ITPR2: variants seen among roughly 807,000 people sequenced by gnomAD.
The protein encoded by ITPR2 is inositol 1,4,5-trisphosphate-gated calcium channel ITPR2.
ITPR2 carries 207 observed loss-of-function variants against 317.1 expected under a neutral mutation model. That is an observed-to-expected ratio of 0.65 (90% CI 0.58 to 0.73). The LOEUF (loss-of-function observed/expected upper bound fraction) is 0.73. ITPR2 is among the 30% of genes least tolerant of loss of function. The pLI is 0.00. For synonymous variants in ITPR2, 1,156 were observed against 1,149.1 expected, an observed-to-expected ratio of 1.01 and a Z score of -0.12; for missense variants, 2,613 against 3,284.0, an observed-to-expected ratio of 0.80 and a Z score of 4.99.
intron 35 of ITPR2, among the ~76,000 whole-genome samples, chr12:26,560,434 G>A (rs1944783790): frequency 6.6e-6 from 1 of 151,636 alleles, no homozygotes; most frequent in Non-Finnish European, 1.5e-5. Context: ...ATTTTCCATT[G>A]CCCTCCTATT....
Position 26,550,337 on chromosome 12 carries a change from C to A in ITPR2, c.4983G>T (p.Lys1661Asn), listed in dbSNP as rs773124256. Residue 1661 changes from lysine to asparagine, a missense_variant, in exon 37 of 57, where the codon AAG (lysine) becomes AAT (asparagine). This residue lies in a region of ITPR2 where 926 missense variants were observed against 1,072.8 expected (regional missense o/e 0.86). Coordinates refer to ENST00000381340, the MANE Select transcript of ITPR2 (RefSeq NM_002223.4). ...GTTTTTCTTCTTTCTCCATTAGTTT[C>A]TTTGTATGATTAATCAACCTTAAAG... ...AFMSKLINHTKKLMEKEEKLC... is the reference protein window; with the variant it reads ...AFMSKLINHTNKLMEKEEKLC... The A allele has an allele frequency of 1.4e-6, 2 of 1,430,692 alleles. No individual in the cohort carries two copies. The highest frequency in any genetic ancestry group is 3.5e-5 in the Admixed American group (2 of 56,490). The allele number at this position is 1,430,692 out of a possible 1,614,324, so 88.6% of individuals were successfully genotyped here. A position where few individuals can be genotyped will look rare whatever the true frequency, so the allele number is the denominator to read the frequency against.
chr12:26,443,456 C>G, intron 46 of ITPR2, 87 bp downstream of exon 46: 1 of 1,047,024 alleles, frequency 9.6e-7, no homozygotes, highest in South Asian at 1.5e-5. Context: ...CATCATTGCT[C>G]TAGAAAAAAA....
At chr12:26,366,991 A>C (rs1311788732) in intron 55 of ITPR2, among the ~76,000 whole-genome samples, 2 of 152,194 alleles carry the variant, frequency 1.3e-5, no homozygotes, top group South Asian at 4.1e-4. Context: ...CAAAACCTCA[A>C]CTTCTCCCAA....
At chr12:26,431,627 G>T (rs1941210988) in intron 48 of ITPR2, among the ~76,000 whole-genome samples, 1 of 152,176 alleles carries the variant, frequency 6.6e-6, no homozygotes, top group Non-Finnish European at 1.5e-5. Flanking sequence ...TGCAGTAGAG[G>T]GTGAAGAGTG....
intron 1 of ITPR2, among the ~76,000 whole-genome samples, chr12:26,826,786 C>T (rs1448081780): frequency 2.6e-5 from 4 of 152,126 alleles, no homozygotes; most frequent in Non-Finnish European, 5.9e-5. Flanking sequence ...TTTTCATTTA[C>T]GAACCCCTCA....
At chr12:26,530,195 C>A (rs986199330) in intron 37 of ITPR2, among the ~76,000 whole-genome samples, 3 of 152,148 alleles carry the variant, frequency 2.0e-5, no homozygotes, top group Non-Finnish European at 4.4e-5. Context: ...TAGGATCCCA[C>A]AGCCAATAAG....
intron 21 of ITPR2, among the ~76,000 whole-genome samples, chr12:26,638,810 A>G (rs1383636676): frequency 6.6e-6 from 1 of 152,232 alleles, no homozygotes; most frequent in Non-Finnish European, 1.5e-5. Context: ...GGAAGAAAAT[A>G]ACAGGTTAAA....
At position 26,501,606 on chromosome 12, in the gene ITPR2, A is replaced by G. The variant is rs1434250554; in HGVS notation, c.5074-6346T>C. Among the ~76,000 whole-genome samples, 4 of 152,234 alleles carry G rather than the reference A, an allele frequency of 2.6e-5. No individual in the cohort carries two copies. In the East Asian group the frequency reaches 7.7e-4, roughly 29 times the overall value. On this transcript the variant is annotated intron_variant, in intron 37 of 56. Transcript: ENST00000381340. Reference sequence around the variant, plus strand: ...TTCTCATCAACACAATGACATACTCATTACAATCTTGAAAAATATATGATG... The same window carrying G: ...TTCTCATCAACACAATGACATACTCGTTACAATCTTGAAAAATATATGATG...
chr12:26,622,215 T>C (rs779820883), intron 25 of ITPR2, 25 bp downstream of exon 25: 1 of 1,587,778 alleles, frequency 6.3e-7, no homozygotes, highest in Non-Finnish European at 8.6e-7. Context: ...TTGCTGTGGA[T>C]GCATTGAGGG....
At chr12:26,809,824 A>G (rs1017443780) in intron 1 of ITPR2, among the ~76,000 whole-genome samples, 3 of 152,098 alleles carry the variant, frequency 2.0e-5, no homozygotes, top group Non-Finnish European at 4.4e-5. Flanking sequence ...ACGAGCGTAG[A>G]TTTAATAATA....
chr12:26,345,925 A>G (rs1015187905), intron 55 of ITPR2, among the ~76,000 whole-genome samples: 1 of 152,258 alleles, frequency 6.6e-6, no homozygotes, highest in Non-Finnish European at 1.5e-5. Context: ...CATGCTATGT[A>G]CATCTTGCGA....
chr12:26,490,201 A>C (rs1268901613), intron 39 of ITPR2, among the ~76,000 whole-genome samples: 2 of 152,220 alleles, frequency 1.3e-5, no homozygotes, highest in African/African-American at 2.4e-5. Context: ...TCAATTGGAG[A>C]GGCAGGGTAT....
At chr12:26,580,943 T>C (rs74072174) in intron 32 of ITPR2, among the ~76,000 whole-genome samples, 2,957 of 152,006 alleles carry the variant, frequency 0.019, 75 homozygotes, top group East Asian at 0.061. Flanking sequence ...AGTTGGCTGG[T>C]GAAAAGACAG....
intron 37 of ITPR2, among the ~76,000 whole-genome samples, chr12:26,540,378 G>T (rs1376653144): frequency 6.6e-6 from 1 of 152,228 alleles, no homozygotes; most frequent in Non-Finnish European, 1.5e-5. Flanking sequence ...AGGTGGAAAT[G>T]ATGAACATGA....
At chr12:26,632,258 T>C (rs1317735475) in intron 21 of ITPR2, among the ~76,000 whole-genome samples, 199 bp from the exon 22 acceptor site, 1 of 152,232 alleles carries the variant, frequency 6.6e-6, no homozygotes, top group Non-Finnish European at 1.5e-5. Flanking sequence ...ATGACAACTT[T>C]TAAAAATGGA....
intron 2 of ITPR2, among the ~76,000 whole-genome samples, chr12:26,767,658 C>T (rs1323570259): frequency 1.3e-5 from 2 of 152,152 alleles, no homozygotes; most frequent in Non-Finnish European, 2.9e-5. Context: ...TAACCAGAAA[C>T]GTATTATATA....
chr12:26,731,443 TAAA>T (rs1268662324), intron 2 of ITPR2, among the ~76,000 whole-genome samples: 1 of 152,152 alleles, frequency 6.6e-6, no homozygotes, highest in East Asian at 1.9e-4. Flanking sequence ...GGAAAGTGGT[TAAA>T]AAAGAAACTC....
At chr12:26,714,100 G>A (rs970218546) in intron 8 of ITPR2, among the ~76,000 whole-genome samples, 2 of 152,126 alleles carry the variant, frequency 1.3e-5, no homozygotes, top group Non-Finnish European at 2.9e-5. Context: ...ATTTCATCTC[G>A]ATTCTAAACC....
chr12:26,472,770 C>G (rs924462140), intron 45 of ITPR2, among the ~76,000 whole-genome samples: 1 of 152,188 alleles, frequency 6.6e-6, no homozygotes, highest in African/African-American at 2.4e-5. Flanking sequence ...TTTCTATCAT[C>G]TTTCCATCTC....
Sources: gnomAD v4.1 joint callset for allele counts (sites outside exome capture counted in the v4.1 genomes callset) on GRCh38, gnomAD v4.1.1 for gene constraint, gnomAD v4.1.1 regional missense constraint, MANE v1.5 for transcripts, NCBI Gene and HGNC (gene_info 2026-07-23, HGNC 2026-07-21) for gene names.